The following SLC22A14 variants were observed in gnomAD, a reference collection of about 807,000 sequenced individuals.
The protein encoded by SLC22A14 is organic cation transporter-like 4.
In SLC22A14, 50 loss-of-function variants were observed where a neutral mutation model predicts 53.9. The ratio of observed to expected loss-of-function variants is 0.93; its 90% CI spans 0.74 to 1.17. SLC22A14 has a LOEUF of 1.17. Among genes scored for constraint, SLC22A14 ranks in the 50% most tolerant of loss-of-function variants. The probability of loss-of-function intolerance (pLI) is 0.00; values close to 1 mark genes in which losing one functional copy is unlikely to be tolerated. For synonymous variants in SLC22A14, 312 were observed against 303.0 expected, an observed-to-expected ratio of 1.03 and a Z score of -0.31; for missense variants, 671 against 734.7, an observed-to-expected ratio of 0.91 and a Z score of 1.00.
intron 8 of SLC22A14, among the ~76,000 whole-genome samples, chr3:38,314,956 C>T (rs773864835): frequency 1.3e-4 from 20 of 152,218 alleles, no homozygotes; most frequent in Non-Finnish European, 2.4e-4. Context: ...GGAGTAAGGC[C>T]GGGGCAGGGT....
chr3:38,294,940 T>C (rs146012549), intron 1 of SLC22A14, among the ~76,000 whole-genome samples: 9,775 of 152,244 alleles, frequency 0.064, 377 homozygotes, highest in East Asian at 0.16. Flanking sequence ...TGTAGGTAAC[T>C]TTTTGAGTCA....
chr3:38,313,685 TGCGCGC>T, intron 7 of SLC22A14, 36 bp from the exon 8 acceptor site: 12 of 900,574 alleles, frequency 1.3e-5, no homozygotes, highest in Non-Finnish European at 2.2e-5. Flanking sequence ...TCCGTGTGTG[TGCGCGC>T]GTGTGCACGC....
At chr3:38,299,391 A>T (rs1704111707) in intron 1 of SLC22A14, among the ~76,000 whole-genome samples, 1 of 151,910 alleles carries the variant, frequency 6.6e-6, no homozygotes, top group African/African-American at 2.4e-5. Flanking sequence ...ATCCTCCTGT[A>T]TTTTTTTCAC....
intron 2 of SLC22A14, among the ~76,000 whole-genome samples, chr3:38,306,841 G>A (rs1025636640): frequency 1.3e-5 from 2 of 152,204 alleles, no homozygotes; most frequent in Admixed American, 6.5e-5. Flanking sequence ...AATAGGGCTC[G>A]GGGAAAGAAG....
At chr3:38,315,822 A>G (rs1006562365) in intron 9 of SLC22A14, 111 bp downstream of exon 9, 16 of 1,145,906 alleles carry the variant, frequency 1.4e-5, no homozygotes, top group Non-Finnish European at 1.6e-5. Context: ...GCACTGTGCT[A>G]AACAGTTTAC....
Position 38,307,935 on chromosome 3 carries a change from G to A in SLC22A14, c.775+215G>A. The A allele has an allele frequency of 1.7e-6, 1 of 583,286 alleles. No homozygotes were observed. Among genetic ancestry groups the A allele is most frequent in the African/African-American group, 1.9e-5 (1 of 53,594 alleles). The allele number at this position is 583,286 out of a possible 1,614,324, so 36.1% of individuals were successfully genotyped here. The stretch of plus-strand genomic sequence containing the variant: ...AGTCAGGGGCCTAATTGGACAGGCA[G>A]AAGTGGAAGGGATCTCCGTTCCTGG... On this transcript the variant is annotated intron_variant, in intron 4 of 10. Coordinates refer to ENST00000448498, the MANE Select transcript of SLC22A14 (RefSeq NM_001320033.2). The surrounding 1 kb of genome is among the most constrained non-coding windows in gnomAD (Gnocchi z 4.4).
chr3:38,312,606 C>A (rs1704497526), intron 5 of SLC22A14, among the ~76,000 whole-genome samples: 2 of 152,188 alleles, frequency 1.3e-5, no homozygotes, highest in African/African-American at 4.8e-5. Context: ...CAGGAGAAAT[C>A]CCAACTAAGG....
Position 38,307,695 on chromosome 3 carries a change from C to A in SLC22A14, c.750C>A (p.Gly250=), listed in dbSNP as rs752893960. ...TTGGCATCTCGCAGTCAGTGGTGGGCTACGCCATCAGCAGCATTTCTTTGG... is the reference window on the plus strand; with the variant it reads ...TTGGCATCTCGCAGTCAGTGGTGGGATACGCCATCAGCAGCATTTCTTTGG... The part of the protein sequence containing the change: ...FRFGISQSVV[G]YAISSISLAT... Residue 250 remains glycine (G), a synonymous_variant, in exon 4 of 11, where the codon GGC becomes GGA. Transcript: ENST00000448498. The surrounding 1 kb of genome is among the most constrained non-coding windows in gnomAD (Gnocchi z 4.4). 1 of 1,614,062 alleles carries A rather than the reference C, an allele frequency of 6.2e-7. No individual in the cohort carries two copies. Among genetic ancestry groups the A allele is most frequent in the Non-Finnish European group, 8.5e-7 (1 of 1,180,044 alleles).
At chr3:38,316,798 G>A (rs1218405746) in intron 10 of SLC22A14, among the ~76,000 whole-genome samples, 1 of 152,182 alleles carries the variant, frequency 6.6e-6, no homozygotes, top group Non-Finnish European at 1.5e-5. Flanking sequence ...GTCTGGATGG[G>A]TGCATTGCCT....
Position 38,287,553 on chromosome 3 carries a change from A to T in SLC22A14, c.-1+5214A>T, listed in dbSNP as rs1356526442. Among the ~76,000 whole-genome samples, 6 of 152,320 alleles carry T rather than the reference A, an allele frequency of 3.9e-5. No individual in the cohort carries two copies. In the East Asian group the frequency reaches 1.2e-3, roughly 29 times the overall value. On this transcript the variant is annotated intron_variant, in intron 1 of 10. Coordinates refer to ENST00000448498, the MANE Select transcript of SLC22A14 (RefSeq NM_001320033.2). ...TCAGATATCAAAACTTTAAATTTGC[A>T]TGGATATATTTCTGGGCTTTCTATT...
In SLC22A14 at chr3:38,306,129, G is replaced by T; in HGVS notation, c.103G>T (p.Glu35Ter). The T allele has an allele frequency of 6.2e-7, 1 of 1,614,118 alleles. No homozygotes were observed. Among genetic ancestry groups the T allele is most frequent in the Admixed American group, 1.7e-5 (1 of 60,020 alleles). The change falls in exon 2 of 11, where the codon GAG becomes TAG. Residue 35 changes from glutamate to a stop codon, truncating the protein, a stop_gained. Transcript: ENST00000448498. LOFTEE classifies it high-confidence loss of function. ...AGGACATCCACATTCCTGGTCTCTG[G>T]AGATGCTGTTACGCAGATTGAGGGC... ...VAGHPHSWSL[E>*]MLLRRLRAVH...
intron 1 of SLC22A14, among the ~76,000 whole-genome samples, chr3:38,294,825 G>C (rs375528131): frequency 1.0e-3 from 158 of 152,190 alleles, no homozygotes; most frequent in Middle Eastern, 0.01. Context: ...TCAGGGGTGA[G>C]TCCTAGAGCT....
rs1048528718 is a variant in SLC22A14 at position 38,282,328 on chromosome 3, G to A, written c.-12G>A. 1.3e-5 allele frequency: 2 copies of A among 152,812 alleles called. No individual in the cohort carries two copies. The highest frequency in any genetic ancestry group is 2.9e-5 in the Non-Finnish European group (2 of 68,582). The allele number at this position is 152,812 out of a possible 1,614,324, so 9.5% of individuals were successfully genotyped here. A position where few individuals can be genotyped will look rare whatever the true frequency, so the allele number is the denominator to read the frequency against. On this transcript the variant is annotated 5_prime_UTR_variant, in exon 1 of 11. Transcript: ENST00000448498. Reference sequence around the variant, plus strand: ...GCTTCCAAGGGTCTGGCTGGGCCTGGATTGTGGTCAGGTGGGCCCTGGCTT... The same window carrying A: ...GCTTCCAAGGGTCTGGCTGGGCCTGAATTGTGGTCAGGTGGGCCCTGGCTT...
At chr3:38,289,387 C>T (rs1703861371) in intron 1 of SLC22A14, among the ~76,000 whole-genome samples, 1 of 152,014 alleles carries the variant, frequency 6.6e-6, no homozygotes, top group Non-Finnish European at 1.5e-5. Flanking sequence ...AGATCCAATC[C>T]AGGATCCCAC....
At chr3:38,298,927 T>TA (rs1704101768) in intron 1 of SLC22A14, among the ~76,000 whole-genome samples, 1 of 152,196 alleles carries the variant, frequency 6.6e-6, no homozygotes. Flanking sequence ...TAGTTACTTA[T>TA]TTGCTTAAAT....
chr3:38,315,409 C>A, intron 8 of SLC22A14, 149 bp from the exon 9 acceptor site: 2 of 811,034 alleles, frequency 2.5e-6, no homozygotes, highest in Non-Finnish European at 3.8e-6. Context: ...TGCCTTCCAG[C>A]CTGGCTGGGC....
intron 1 of SLC22A14, among the ~76,000 whole-genome samples, chr3:38,288,201 T>C (rs1703833453): frequency 6.6e-6 from 1 of 152,234 alleles, no homozygotes; most frequent in African/African-American, 2.4e-5. Context: ...CCTTTTGTGA[T>C]TTGGTATTTC....
At chr3:38,288,255 A>G (rs926543177) in intron 1 of SLC22A14, among the ~76,000 whole-genome samples, 1 of 152,196 alleles carries the variant, frequency 6.6e-6, no homozygotes, top group Non-Finnish European at 1.5e-5. Context: ...TGTAACATGT[A>G]TTATAATTTT....
At position 38,313,944 on chromosome 3, in the gene SLC22A14, A is replaced by G; in HGVS notation, c.1378+3A>G. 1 of 1,611,930 alleles carries G rather than the reference A, an allele frequency of 6.2e-7. No individual in the cohort carries two copies. Among genetic ancestry groups the G allele is most frequent in the Non-Finnish European group, 8.5e-7 (1 of 1,178,660 alleles). On this transcript the variant is annotated splice_donor_region_variant and intron_variant, in intron 8 of 10. Transcript: ENST00000448498. The stretch of plus-strand genomic sequence containing the variant: ...GCTTCTCCTTTTCCTCCCTGAAGGT[A>G]CAGCTCATCCTTCCCCTGTGGCCTG...
Sources: allele counts gnomAD v4.1 joint callset (sites outside exome capture counted in the v4.1 genomes callset), GRCh38; gene constraint gnomAD v4.1.1; non-coding constraint Gnocchi (gnomAD v3.1); transcripts MANE v1.5; gene names NCBI Gene and HGNC (gene_info 2026-07-23, HGNC 2026-07-21).